The following EPHA4 variants were observed in gnomAD, a reference collection of about 807,000 sequenced individuals.
EPHA4 encodes the protein ephrin type-A receptor 4.
Under a neutral mutation model 108.3 loss-of-function variants are expected in EPHA4, and 19 were observed. The ratio of observed to expected loss-of-function variants is 0.18; its 90% CI spans 0.12 to 0.26. EPHA4 has a LOEUF of 0.26. Among genes scored for constraint, EPHA4 ranks in the 10% least tolerant of loss-of-function variants. The pLI is 1.00. For missense variants in EPHA4, 917 were observed against 1,254.0 expected (o/e 0.73, Z 4.06); for synonymous variants, 449 against 455.5 (o/e 0.99, Z 0.18).
chr2:221,504,884 A>G (rs1222081088), intron 3 of EPHA4, among the ~76,000 whole-genome samples: 1 of 152,162 alleles, frequency 6.6e-6, no homozygotes, highest in African/African-American at 2.4e-5. Context: ...ATGTTTTTCT[A>G]AAAGTTTTTA....
chr2:221,529,424 C>A (rs1693438458), intron 3 of EPHA4, among the ~76,000 whole-genome samples: 7 of 152,200 alleles, frequency 4.6e-5, no homozygotes, highest in Admixed American at 4.6e-4. Flanking sequence ...CCCCTCCCTG[C>A]AGGCTGCCAA....
Position 221,443,543 on chromosome 2 carries a change from G to A in EPHA4, c.1838C>T (p.Ala613Val). Residue 613 changes from alanine to valine, a missense_variant, in exon 10 of 18, where the codon GCC becomes GTC. Around this residue, in one of 3 missense-constraint regions of EPHA4, gnomAD observed 758 missense variants for 1,076.7 expected, o/e 0.70. Transcript: ENST00000281821. ...EDPNQAVREF[A>V]KEIDASCIKI... ...AATGCAGGATGCGTCAATTTCTTTG[G>A]CAAACTCTCGCACTGCTTGGTTGGG... is the stretch of plus-strand genomic sequence containing the variant. 9 of 1,613,766 alleles carry A rather than the reference G, an allele frequency of 5.6e-6. No individual in the cohort carries two copies. Among genetic ancestry groups the A allele is most frequent in the Non-Finnish European group, 7.6e-6 (9 of 1,179,916 alleles).
intron 8 of EPHA4, among the ~76,000 whole-genome samples, chr2:221,449,644 G>C (rs6712216): frequency 4.6e-5 from 7 of 152,174 alleles, no homozygotes; most frequent in Admixed American, 4.6e-4. Context: ...GCAGAACAGC[G>C]TGAGCCCTCT....
intron 3 of EPHA4, among the ~76,000 whole-genome samples, chr2:221,524,140 G>A (rs760130952): frequency 1.3e-5 from 2 of 152,142 alleles, no homozygotes; most frequent in Non-Finnish European, 2.9e-5. Flanking sequence ...ATGAAGTAGC[G>A]GAGCAGAAGT....
Position 221,437,109 on chromosome 2 carries a change from C to T in EPHA4, c.2088G>A (p.Met696Ile). The change falls in exon 12 of 18, where the codon ATG becomes ATA. Residue 696 changes from methionine (M) to isoleucine (I), a missense_variant. By Grantham distance (10) the Met-to-Ile change is conservative. Coordinates refer to ENST00000281821, the MANE Select transcript of EPHA4 (RefSeq NM_004438.5). Reference protein sequence around the residue: ...EGVVTKCKPVMIITEYMENGS... With the variant: ...EGVVTKCKPVIIITEYMENGS... The stretch of plus-strand genomic sequence containing the variant: ...CATTCTCCATGTACTCTGTTATGAT[C>T]ATTACTGGTTTACCTAGAGTTTTCA... 1 of 1,612,252 alleles carries T rather than the reference C, an allele frequency of 6.2e-7. No homozygotes were observed. Among genetic ancestry groups the T allele is most frequent in the East Asian group, 2.2e-5 (1 of 44,864 alleles).
chr2:221,435,528 G>C (rs886645565), intron 13 of EPHA4, among the ~76,000 whole-genome samples: 8 of 152,004 alleles, frequency 5.3e-5, no homozygotes, highest in African/African-American at 1.9e-4. Context: ...AACCCCCATT[G>C]CTTGGGATTG....
chr2:221,499,731 TATATATATATATATATATATATA>T (rs1452135769), intron 4 of EPHA4, among the ~76,000 whole-genome samples: 1 of 44,036 alleles, frequency 2.3e-5, no homozygotes, highest in African/African-American at 1.3e-4. Flanking sequence ...TATATATATA[TATATATATATATATATATATATA>T]TATTTTTTTT....
intron 5 of EPHA4, among the ~76,000 whole-genome samples, chr2:221,470,025 CTATT>C (rs1389225588): frequency 1.3e-5 from 2 of 152,154 alleles, no homozygotes; most frequent in Admixed American, 6.6e-5. Context: ...TTAGCAACTT[CTATT>C]TCTTTCTCTT....
At position 221,425,914 on chromosome 2, in the gene EPHA4, T is replaced by A; in HGVS notation, c.*114A>T. The A allele has an allele frequency of 1.1e-6, 1 of 876,568 alleles. No homozygotes were observed. The highest frequency in any genetic ancestry group is 1.8e-6 in the Non-Finnish European group (1 of 546,268). The allele number at this position is 876,568 out of a possible 1,614,324, so 54.3% of individuals were successfully genotyped here. A position where few individuals can be genotyped will look rare whatever the true frequency, so the allele number is the denominator to read the frequency against. ...ACGCTGCAGATATTGTTTTTTTTTT[T>A]CATTTCTTTAATTTCAGAGGGCGAA... On this transcript the variant is annotated 3_prime_UTR_variant, in exon 17 of 18. Coordinates refer to ENST00000281821, the MANE Select transcript of EPHA4 (RefSeq NM_004438.5).
At position 221,426,148 on chromosome 2, in the gene EPHA4, C is replaced by T. The variant is rs762610908; in HGVS notation, c.2847-6G>A. 2 of 1,611,680 alleles carry T rather than the reference C, an allele frequency of 1.2e-6. No homozygotes were observed. Among genetic ancestry groups the T allele is most frequent in the African/African-American group, 1.3e-5 (1 of 74,966 alleles). On this transcript the variant is annotated splice_polypyrimidine_tract_variant and splice_region_variant and intron_variant, in intron 16 of 17. Coordinates refer to ENST00000281821, the MANE Select transcript of EPHA4 (RefSeq NM_004438.5). ...TACCAATTCTTGCCAGGTCCCTGTA[C>T]ATAGGGCGACAAAAAAGGGACAGAA... is the stretch of plus-strand genomic sequence containing the variant.
intron 8 of EPHA4, among the ~76,000 whole-genome samples, chr2:221,447,468 A>G (rs1362295729): frequency 3.3e-5 from 5 of 152,174 alleles, no homozygotes; most frequent in Non-Finnish European, 7.3e-5. Flanking sequence ...AGGCAGTGCA[A>G]CCAGAGAGGC....
intron 3 of EPHA4, 90 bp from the exon 4 acceptor site, chr2:221,501,262 A>T: frequency 8.4e-7 from 1 of 1,186,864 alleles, no homozygotes. Context: ...TTTCAGAAGA[A>T]GGGAGACGTT....
chr2:221,546,361 A>G (rs1693997817), intron 3 of EPHA4, among the ~76,000 whole-genome samples: 1 of 152,140 alleles, frequency 6.6e-6, no homozygotes, highest in Non-Finnish European at 1.5e-5. Flanking sequence ...AGCTTATTCT[A>G]CCTTTAACAC....
intron 3 of EPHA4, among the ~76,000 whole-genome samples, chr2:221,512,432 C>A (rs1256997860): frequency 6.6e-6 from 1 of 152,176 alleles, no homozygotes; most frequent in Admixed American, 6.5e-5. Context: ...GCTAGCACAT[C>A]GCAGCCATGA....
intron 3 of EPHA4, among the ~76,000 whole-genome samples, chr2:221,558,043 G>A (rs955752303): frequency 2.6e-5 from 4 of 152,180 alleles, no homozygotes; most frequent in African/African-American, 4.8e-5. Context: ...ATTAAATAAA[G>A]CATGGTATAC....
intron 13 of EPHA4, 109 bp from the exon 14 acceptor site, chr2:221,434,400 T>C: frequency 8.7e-7 from 1 of 1,144,860 alleles, no homozygotes; most frequent in South Asian, 1.5e-5. Context: ...ATTCTTGAGA[T>C]AGCTCTCAAA....
intron 7 of EPHA4, 121 bp downstream of exon 7, chr2:221,456,492 T>G (rs1406781335): frequency 7.5e-6 from 7 of 933,038 alleles, no homozygotes; most frequent in Non-Finnish European, 9.5e-6. Context: ...ACATATTCAT[T>G]GCAGCAAAAT....
At chr2:221,444,082 A>T (rs1047539650) in intron 9 of EPHA4, among the ~76,000 whole-genome samples, 2 of 152,210 alleles carry the variant, frequency 1.3e-5, no homozygotes, top group African/African-American at 4.8e-5. Flanking sequence ...CAATTAACAA[A>T]ATTAGATTAA....
intron 5 of EPHA4, among the ~76,000 whole-genome samples, chr2:221,459,406 C>A (rs556496442): frequency 2.2e-4 from 33 of 152,032 alleles, no homozygotes; most frequent in Non-Finnish European, 3.8e-4. Context: ...TACACATGTC[C>A]TCCATCAAAG....
Sources: gnomAD v4.1 joint callset for allele counts (sites outside exome capture counted in the v4.1 genomes callset) on GRCh38, gnomAD v4.1.1 for gene constraint, gnomAD v4.1.1 regional missense constraint, MANE v1.5 for transcripts, NCBI Gene and HGNC (gene_info 2026-07-23, HGNC 2026-07-21) for gene names.